The following BIRC6 variants were observed in gnomAD, a reference collection of about 807,000 sequenced individuals.
BIRC6 encodes the protein dual E2 ubiquitin-conjugating enzyme/E3 ubiquitin-protein ligase BIRC6.
In BIRC6, 98 loss-of-function variants were observed where a neutral mutation model predicts 503.3. The ratio of observed to expected loss-of-function variants is 0.19; its 90% CI spans 0.17 to 0.23. The LOEUF (loss-of-function observed/expected upper bound fraction) is 0.23. BIRC6 is among the 10% of genes least tolerant of loss of function. BIRC6 has a pLI of 1.00. For missense variants in BIRC6, 5,360 were observed against 5,806.0 expected (o/e 0.92, Z 2.50); for synonymous variants, 2,240 against 2,078.7 (o/e 1.08, Z -2.11).
At chr2:32,541,640 T>G (rs1216263583) in intron 61 of BIRC6, among the ~76,000 whole-genome samples, 3 of 152,116 alleles carry the variant, frequency 2.0e-5, no homozygotes, top group Non-Finnish European at 2.9e-5. Flanking sequence ...CATTTAATTA[T>G]ATGTTTGAGT....
chr2:32,479,833 T>C lies in BIRC6; in HGVS notation c.7408+216T>C, dbSNP rs537261302. On this transcript the variant is annotated intron_variant, in intron 37 of 73. Coordinates refer to ENST00000421745, the MANE Select transcript of BIRC6 (RefSeq NM_016252.4). ...TCATAATATCCTAATTATGTTGATA[T>C]AGTGTGATTTGGCAACGATGAAGAA... Among the ~76,000 whole-genome samples the C allele has an allele frequency of 1.5e-3, 225 of 152,330 alleles. 2 individuals are homozygous for C. Among genetic ancestry groups the C allele is most frequent in the African/African-American group, 5.2e-3 (217 of 41,580 alleles).
At chr2:32,368,124 C>T (rs1322416555) in intron 1 of BIRC6, among the ~76,000 whole-genome samples, 1 of 152,084 alleles carries the variant, frequency 6.6e-6, no homozygotes, top group Non-Finnish European at 1.5e-5. Context: ...AAGAAAATAC[C>T]TCGCTTGGGC....
Position 32,503,066 on chromosome 2 carries a change from A to G in BIRC6, c.9329A>G (p.Asn3110Ser), listed in dbSNP as rs745786157. ...DMGGVQLICN[N>S]MVTSTRAIVN... ...GGTGGTGTTCAGCTCATATGCAATA[A>G]TATGGTTACTAGTACAAGGGCTATT... Residue 3110 changes from asparagine to serine, a missense_variant, in exon 49 of 74, where the codon AAT becomes AGT. By Grantham distance (46) the Asn-to-Ser change is conservative. Around this residue, in one of 16 missense-constraint regions of BIRC6, gnomAD observed 267 missense variants for 287.6 expected, o/e 0.93. Coordinates refer to ENST00000421745, the MANE Select transcript of BIRC6 (RefSeq NM_016252.4). 1.2e-4 allele frequency: 194 copies of G among 1,604,340 alleles called. No homozygotes were observed. The highest frequency in any genetic ancestry group is 1.5e-4 in the Non-Finnish European group (172 of 1,175,362).
chr2:32,458,447 A>C (rs968021287), intron 23 of BIRC6, among the ~76,000 whole-genome samples: 3 of 152,034 alleles, frequency 2.0e-5, no homozygotes, highest in African/African-American at 7.2e-5. Context: ...TCTCATCATC[A>C]TAACTGATAG....
At chr2:32,382,785 G>A (rs1459550170) in intron 3 of BIRC6, among the ~76,000 whole-genome samples, 3 of 152,126 alleles carry the variant, frequency 2.0e-5, no homozygotes, top group Non-Finnish European at 4.4e-5. Flanking sequence ...GTGCAGTGGT[G>A]CGATCTTGGC....
chr2:32,586,715 G>A lies in BIRC6; in HGVS notation c.13356-7200G>A, dbSNP rs115002532. Among the ~76,000 whole-genome samples the A allele has an allele frequency of 3.8e-3, 583 of 151,916 alleles. 2 individuals are homozygous for A. Among genetic ancestry groups the A allele is most frequent in the African/African-American group, 0.013 (542 of 41,414 alleles). ...ATTACAAATGTGAGCCACTACACCCGGCCAAAATCTCAACCAGTCTTAATT... is the reference window on the plus strand; with the variant it reads ...ATTACAAATGTGAGCCACTACACCCAGCCAAAATCTCAACCAGTCTTAATT... On this transcript the variant is annotated intron_variant, in intron 66 of 73. Transcript: ENST00000421745.
intron 66 of BIRC6, among the ~76,000 whole-genome samples, chr2:32,578,209 T>G (rs2060395163): frequency 6.6e-6 from 1 of 152,126 alleles, no homozygotes; most frequent in Non-Finnish European, 1.5e-5. Context: ...GAGAGTAAAA[T>G]CTATTCTTTT....
chr2:32,485,520 G>A (rs2149259759), intron 39 of BIRC6, 123 bp from the exon 40 acceptor site: 1 of 603,056 alleles, frequency 1.7e-6, no homozygotes, highest in East Asian at 2.8e-5. Flanking sequence ...ATGTTAGGTG[G>A]CTGTTCTGTA....
At chr2:32,580,076 C>A (rs572739114) in intron 66 of BIRC6, among the ~76,000 whole-genome samples, 4 of 151,844 alleles carry the variant, frequency 2.6e-5, no homozygotes, top group African/African-American at 9.7e-5. Flanking sequence ...GCTTCAGCCT[C>A]CCGAGTAGCT....
At chr2:32,467,839 A>G (rs2048721149) in intron 27 of BIRC6, 64 bp from the exon 28 acceptor site, 6 of 1,457,510 alleles carry the variant, frequency 4.1e-6, no homozygotes, top group Non-Finnish European at 3.7e-6. Flanking sequence ...CTTTTTAAAT[A>G]CATTGCTCAG....
chr2:32,447,341 G>A (rs1182400632), intron 21 of BIRC6, among the ~76,000 whole-genome samples: 37 of 150,520 alleles, frequency 2.5e-4, no homozygotes, highest in Non-Finnish European at 3.6e-4. Flanking sequence ...GGGCAGAAGC[G>A]CCCCTCACCT....
chr2:32,518,742 G>A (rs1390684943), intron 56 of BIRC6, 75 bp from the exon 57 acceptor site: 1 of 1,467,644 alleles, frequency 6.8e-7, no homozygotes, highest in South Asian at 1.2e-5. Flanking sequence ...ATTCTTAGAT[G>A]CTTTTGAGAT....
intron 57 of BIRC6, among the ~76,000 whole-genome samples, chr2:32,524,549 G>A (rs961002859): frequency 2.0e-5 from 3 of 152,164 alleles, no homozygotes; most frequent in Admixed American, 6.5e-5. Flanking sequence ...ATTAGATGCA[G>A]TTGCCAAGCA....
At chr2:32,363,875 A>G (rs558890368) in intron 1 of BIRC6, among the ~76,000 whole-genome samples, 1 of 152,350 alleles carries the variant, frequency 6.6e-6, no homozygotes, top group Non-Finnish European at 1.5e-5. Context: ...TGCTTGGTCA[A>G]TATTGCCACA....
At chr2:32,582,288 G>T (rs2060725626) in intron 66 of BIRC6, among the ~76,000 whole-genome samples, 1 of 152,114 alleles carries the variant, frequency 6.6e-6, no homozygotes, top group African/African-American at 2.4e-5. Flanking sequence ...GTGGGAGGAT[G>T]ATTGCTTGAG....
intron 59 of BIRC6, chr2:32,527,134 CT>C (rs2056338371): frequency 6.6e-6 from 1 of 152,216 alleles, no homozygotes; most frequent in African/African-American, 2.4e-5. Context: ...TAGGCAAAAC[CT>C]TTCACACTTG....
In BIRC6 at chr2:32,414,894, C is replaced by G; in HGVS notation, c.1603C>G (p.Leu535Val). Reference protein sequence around the residue: ...ANVLEDTVKDLEELGANPCLT... With the variant: ...ANVLEDTVKDVEELGANPCLT... Reference sequence around the variant, plus strand: ...TGTGCTTGAAGATACTGTTAAGGATCTTGAAGAACTTGGGGCAAATCCTTG... The same window carrying G: ...TGTGCTTGAAGATACTGTTAAGGATGTTGAAGAACTTGGGGCAAATCCTTG... Residue 535 changes from leucine (L) to valine (V), a missense_variant, in exon 10 of 74, where the codon CTT becomes GTT. Physicochemically the swap from Leu to Val is conservative, Grantham distance 32. Transcript: ENST00000421745. The G allele has an allele frequency of 6.2e-7, 1 of 1,613,922 alleles. No individual in the cohort carries two copies. Among genetic ancestry groups the G allele is most frequent in the Non-Finnish European group, 8.5e-7 (1 of 1,179,884 alleles).
intron 26 of BIRC6, among the ~76,000 whole-genome samples, chr2:32,467,082 G>A (rs916245827): frequency 2.7e-5 from 4 of 148,288 alleles, no homozygotes; most frequent in African/African-American, 5.0e-5. Flanking sequence ...TCGCGCCACT[G>A]CACTCCAGCC....
intron 66 of BIRC6, among the ~76,000 whole-genome samples, chr2:32,578,815 C>T (rs868044271): frequency 6.7e-6 from 1 of 149,038 alleles, no homozygotes; most frequent in Non-Finnish European, 1.5e-5. Context: ...TACATACATA[C>T]ATACATACAT....
Sources: gnomAD v4.1 joint callset for allele counts (sites outside exome capture counted in the v4.1 genomes callset) on GRCh38, gnomAD v4.1.1 for gene constraint, gnomAD v4.1.1 regional missense constraint, MANE v1.5 for transcripts, NCBI Gene and HGNC (gene_info 2026-07-23, HGNC 2026-07-21) for gene names.